The following FAM135A variants were observed in gnomAD, a reference collection of about 807,000 sequenced individuals.
FAM135A encodes the protein protein FAM135A.
FAM135A carries 79 observed loss-of-function variants against 146.8 expected under a neutral mutation model. The observed-to-expected ratio is 0.54, with a 90% CI of 0.45 to 0.65. The LOEUF (loss-of-function observed/expected upper bound fraction) is 0.65. Ranked by LOEUF, FAM135A falls within the 30% of genes least tolerant of loss-of-function variation. The pLI, the probability that FAM135A is intolerant of heterozygous loss-of-function variation, is 0.00. For synonymous variants in FAM135A, 562 were observed against 603.6 expected, an observed-to-expected ratio of 0.93 and a Z score of 1.01; for missense variants, 1,623 against 1,758.2, an observed-to-expected ratio of 0.92 and a Z score of 1.38.
rs1173305575 is a variant in FAM135A at position 70,526,032 on chromosome 6, C to T, written c.2948C>T (p.Ser983Phe). Residue 983 changes from serine to phenylalanine, a missense_variant, in exon 15 of 22, where the codon TCC becomes TTC. This residue lies in a region of FAM135A where 1,061 missense variants were observed against 1,113.8 expected (regional missense o/e 0.95). Transcript: ENST00000418814. ...GGCACTCCTTGTGTCATTTCAGGTT[C>T]CATTTCTAGTAATACAGATGTTAGT... ...CLGTPCVISG[S>F]ISSNTDVSED... The T allele has an allele frequency of 2.5e-6, 4 of 1,611,772 alleles. No individual in the cohort carries two copies. The highest frequency in any genetic ancestry group is 3.4e-6 in the Non-Finnish European group (4 of 1,179,208).
At chr6:70,435,075 GTGTGTGTATATA>G (rs1197687668) in intron 4 of FAM135A, among the ~76,000 whole-genome samples, 3 of 57,000 alleles carry the variant, frequency 5.3e-5, no homozygotes, top group African/African-American at 4.6e-4. Flanking sequence ...GTGTGTGTGT[GTGTGTGTATATA>G]TATATATATA....
At chr6:70,413,941 C>A in intron 1 of FAM135A, 2 of 985,548 alleles carry the variant, frequency 2.0e-6, no homozygotes, top group Non-Finnish European at 2.4e-6. Context: ...GCGCTGCTCT[C>A]CCGGTGCCCG....
chr6:70,543,199 G>A (rs1032653167), intron 20 of FAM135A, among the ~76,000 whole-genome samples: 36 of 152,172 alleles, frequency 2.4e-4, no homozygotes, highest in African/African-American at 7.9e-4. Context: ...TATATTCAGC[G>A]ACTGGTAGTT....
At chr6:70,524,225 C>T in intron 14 of FAM135A, 104 bp downstream of exon 14, 2 of 1,388,548 alleles carry the variant, frequency 1.4e-6, no homozygotes, top group Non-Finnish European at 9.6e-7. Flanking sequence ...GTTTTTTTCC[C>T]TCTCTAGTTT....
At chr6:70,484,257 T>C (rs1324019437) in intron 10 of FAM135A, among the ~76,000 whole-genome samples, 2 of 152,148 alleles carry the variant, frequency 1.3e-5, no homozygotes, top group Non-Finnish European at 2.9e-5. Context: ...AAAATGGGGC[T>C]TCAATATATG....
chr6:70,447,971 T>A (rs947524870), intron 4 of FAM135A, among the ~76,000 whole-genome samples: 8 of 152,092 alleles, frequency 5.3e-5, no homozygotes, highest in African/African-American at 1.9e-4. Context: ...CTAAATATGC[T>A]TTCCCGAATT....
intron 5 of FAM135A, among the ~76,000 whole-genome samples, chr6:70,471,205 G>A (rs1781554764): frequency 6.6e-6 from 1 of 152,168 alleles, no homozygotes; most frequent in Non-Finnish European, 1.5e-5. Flanking sequence ...GATTTATCCA[G>A]GTCAATATGA....
chr6:70,468,768 C>G (rs972431826), intron 5 of FAM135A, among the ~76,000 whole-genome samples: 1 of 152,138 alleles, frequency 6.6e-6, no homozygotes, highest in Admixed American at 6.5e-5. Flanking sequence ...CAGTAGAGAA[C>G]AATTCTGATC....
intron 5 of FAM135A, among the ~76,000 whole-genome samples, chr6:70,465,377 TAAA>T (rs1334739390): frequency 1.3e-5 from 2 of 152,218 alleles, no homozygotes; most frequent in Admixed American, 6.5e-5. Context: ...TTCTTCTGGA[TAAA>T]TACCTAGAAG....
chr6:70,432,879 A>G (rs925505577), intron 4 of FAM135A, among the ~76,000 whole-genome samples: 2 of 152,014 alleles, frequency 1.3e-5, no homozygotes, highest in Admixed American at 1.3e-4. Context: ...ATGATAACTT[A>G]ATAAGAAAAA....
At chr6:70,544,156 T>C (rs571365761) in intron 20 of FAM135A, among the ~76,000 whole-genome samples, 1 of 151,102 alleles carries the variant, frequency 6.6e-6, no homozygotes, top group Admixed American at 6.6e-5. Flanking sequence ...GGTGCGGAAA[T>C]ATCATAAGCT....
chr6:70,528,219 T>G (rs1795101590), intron 15 of FAM135A, 73 bp from the exon 16 acceptor site: 1 of 1,409,064 alleles, frequency 7.1e-7, no homozygotes, highest in African/African-American at 1.4e-5. Context: ...CTTCTACAAT[T>G]CTCTAAATTC....
In FAM135A at chr6:70,524,382, G is replaced by T; in HGVS notation, c.1298G>T (p.Arg433Ile). The T allele has an allele frequency of 3.3e-6, 5 of 1,508,862 alleles. No individual in the cohort carries two copies. Among genetic ancestry groups the T allele is most frequent in the Non-Finnish European group, 3.5e-6 (4 of 1,134,128 alleles). 93.5% of individuals were successfully genotyped at this position (1,508,862 alleles called of 1,614,324 possible). A position where few individuals can be genotyped will look rare whatever the true frequency, so the allele number is the denominator to read the frequency against. Residue 433 changes from arginine (R) to isoleucine (I), a missense_variant, in exon 15 of 22, where the codon AGA becomes ATA. By Grantham distance (97) the Arg-to-Ile change is moderately conservative. This residue lies in a region of FAM135A where 1,061 missense variants were observed against 1,113.8 expected (regional missense o/e 0.95). Coordinates refer to ENST00000418814, the MANE Select transcript of FAM135A (RefSeq NM_001162529.3). ...APWMGIQNLQ[R>I]SESSKMDKYE... ...TGGATGGGAATTCAGAATCTTCAGA[G>T]ATCAGAGTCCAGTAAAATGGATAAA...
At chr6:70,419,081 T>C (rs1768187561) in intron 2 of FAM135A, among the ~76,000 whole-genome samples, 1 of 152,226 alleles carries the variant, frequency 6.6e-6, no homozygotes, top group African/African-American at 2.4e-5. Flanking sequence ...GTTACAATAA[T>C]ACTTGGTTAT....
At chr6:70,486,206 GA>G in intron 10 of FAM135A, 1 of 1,613,830 alleles carries the variant, frequency 6.2e-7, no homozygotes, top group Non-Finnish European at 8.5e-7. Flanking sequence ...CGTCTTCTCA[GA>G]AGAAAACAGC....
chr6:70,472,759 G>C (rs997131727), intron 5 of FAM135A, among the ~76,000 whole-genome samples: 2 of 152,082 alleles, frequency 1.3e-5, no homozygotes, highest in East Asian at 3.8e-4. Context: ...CTACAAACCT[G>C]TTATTTTTTA....
intron 4 of FAM135A, among the ~76,000 whole-genome samples, chr6:70,446,682 C>T (rs779713517): frequency 3.9e-5 from 6 of 152,084 alleles, no homozygotes; most frequent in Non-Finnish European, 7.4e-5. Context: ...GGCATTATTA[C>T]CGGCCAAGAT....
At chr6:70,545,878 C>G (rs1479543926) in intron 20 of FAM135A, among the ~76,000 whole-genome samples, 2 of 152,170 alleles carry the variant, frequency 1.3e-5, no homozygotes, top group African/African-American at 4.8e-5. Flanking sequence ...AGCATTCGTG[C>G]ATGGTTCACA....
At position 70,525,784 on chromosome 6, in the gene FAM135A, A is replaced by G; in HGVS notation, c.2700A>G (p.Ser900=). 1.2e-6 allele frequency: 2 copies of G among 1,613,412 alleles called. No individual in the cohort carries two copies. The highest frequency in any genetic ancestry group is 8.5e-7 in the Non-Finnish European group (1 of 1,179,630). The part of the protein sequence containing the change: ...ITLQQQSVVF[S]GNLDNETVAI... Reference sequence around the variant, plus strand: ...TGCAACAGCAGAGTGTTGTATTTTCAGGGAACTTGGACAATGAAACTGTAG... The same window carrying G: ...TGCAACAGCAGAGTGTTGTATTTTCGGGGAACTTGGACAATGAAACTGTAG... The change falls in exon 15 of 22, where the codon TCA becomes TCG. Residue 900 remains serine, a synonymous_variant. Coordinates refer to ENST00000418814, the MANE Select transcript of FAM135A (RefSeq NM_001162529.3).
Sources: gnomAD v4.1 joint callset for allele counts (sites outside exome capture counted in the v4.1 genomes callset) on GRCh38, gnomAD v4.1.1 for gene constraint, gnomAD v4.1.1 regional missense constraint, MANE v1.5 for transcripts, NCBI Gene and HGNC (gene_info 2026-07-23, HGNC 2026-07-21) for gene names.